The following FNBP1L variants were observed in gnomAD, a reference collection of about 807,000 sequenced individuals.
FNBP1L encodes the protein formin-binding protein 1-like.
Under a neutral mutation model 91.2 loss-of-function variants are expected in FNBP1L, and 36 were observed. The observed-to-expected ratio is 0.39, with a 90% CI of 0.30 to 0.52. The LOEUF (loss-of-function observed/expected upper bound fraction) is 0.52, where lower values mean the gene tolerates loss of function less well. Ranked by LOEUF, FNBP1L falls within the 20% of genes least tolerant of loss-of-function variation. The probability of loss-of-function intolerance (pLI) is 0.66; values close to 1 mark genes in which losing one functional copy is unlikely to be tolerated. For missense variants in FNBP1L, 571 were observed against 732.1 expected, an observed-to-expected ratio of 0.78 and a Z score of 2.54; for synonymous variants, 242 against 237.0, an observed-to-expected ratio of 1.02 and a Z score of -0.19.
intron 5 of FNBP1L, among the ~76,000 whole-genome samples, chr1:93,525,674 C>T (rs766404715): frequency 6.6e-6 from 1 of 151,820 alleles, no homozygotes; most frequent in Non-Finnish European, 1.5e-5. Context: ...AACAATTGAC[C>T]GTTGTTAAGC....
Position 93,524,151 on chromosome 1 carries a change from T to A in FNBP1L, c.343-110T>A, listed in dbSNP as rs1007050292. ...AATTAGTACCTTGAAAAAAATAAAG[T>A]GAAAAGCCTTTTGGGGACTTTAGAC... On this transcript the variant is annotated intron_variant, in intron 4 of 16. Coordinates refer to ENST00000271234, the MANE Select transcript of FNBP1L (RefSeq NM_001164473.3). 9.4e-5 allele frequency: 78 copies of A among 833,544 alleles called. 1 individual carries two copies. Among genetic ancestry groups the A allele is most frequent in the Middle Eastern group, 7.9e-4 (2 of 2,528 alleles). The allele number at this position is 833,544 out of a possible 1,614,324, so 51.6% of individuals were successfully genotyped here. A position where few individuals can be genotyped will look rare whatever the true frequency, so the allele number is the denominator to read the frequency against.
At position 93,553,446 on chromosome 1, in the gene FNBP1L, C is replaced by T. The variant is rs1331545684; in HGVS notation, c.*1030C>T. 1 of 152,642 alleles carries T rather than the reference C, an allele frequency of 6.6e-6. No homozygotes were observed. Among genetic ancestry groups the T allele is most frequent in the Non-Finnish European group, 1.5e-5 (1 of 68,048 alleles). 9.5% of individuals were successfully genotyped at this position (152,642 alleles called of 1,614,324 possible). On this transcript the variant is annotated 3_prime_UTR_variant, in exon 17 of 17. Transcript: ENST00000271234. ...CGGTAGGTGGCTATTAGAGCTCTAC[C>T]ATATACAGTGGTGCATCTTCAAATT...
At chr1:93,493,552 A>G (rs558076971) in intron 1 of FNBP1L, among the ~76,000 whole-genome samples, 2 of 152,186 alleles carry the variant, frequency 1.3e-5, no homozygotes, top group East Asian at 1.9e-4. Flanking sequence ...CCTGTCAACT[A>G]CCATTCTACT....
At chr1:93,514,322 C>T (rs1041151747) in intron 2 of FNBP1L, among the ~76,000 whole-genome samples, 5 of 151,650 alleles carry the variant, frequency 3.3e-5, no homozygotes, top group African/African-American at 4.8e-5. Context: ...GAATCAATAT[C>T]GTGAAAATGG....
intron 14 of FNBP1L, 95 bp from the exon 15 acceptor site, chr1:93,549,183 T>A: frequency 2.1e-6 from 2 of 933,456 alleles, no homozygotes; most frequent in South Asian, 3.5e-5. Flanking sequence ...TAATATTTAA[T>A]TTTTGGAATT....
At chr1:93,458,980 T>C (rs1668765860) in intron 1 of FNBP1L, among the ~76,000 whole-genome samples, 1 of 152,190 alleles carries the variant, frequency 6.6e-6, no homozygotes, top group Non-Finnish European at 1.5e-5. Flanking sequence ...AGTTTTACAG[T>C]ATATCCTCTG....
At chr1:93,548,882 C>A (rs1179169744) in intron 14 of FNBP1L, among the ~76,000 whole-genome samples, 2 of 152,134 alleles carry the variant, frequency 1.3e-5, no homozygotes, top group African/African-American at 4.8e-5. Flanking sequence ...AGAATAGAAA[C>A]AATCCACCTG....
chr1:93,538,227 C>T (rs1355757183), intron 10 of FNBP1L, among the ~76,000 whole-genome samples: 1 of 149,716 alleles, frequency 6.7e-6, no homozygotes, highest in African/African-American at 2.4e-5. Flanking sequence ...GAGCTATGAA[C>T]CCTGGAGAGA....
chr1:93,549,110 A>G (rs1267653726), intron 14 of FNBP1L, among the ~76,000 whole-genome samples, 168 bp from the exon 15 acceptor site: 1 of 152,132 alleles, frequency 6.6e-6, no homozygotes, highest in African/African-American at 2.4e-5. Flanking sequence ...AGCATTTTGT[A>G]TTAGAAGTAA....
At chr1:93,547,903 T>C (rs187256892) in intron 14 of FNBP1L, among the ~76,000 whole-genome samples, 6 of 152,328 alleles carry the variant, frequency 3.9e-5, no homozygotes, top group Admixed American at 3.9e-4. Flanking sequence ...TGATGTATTA[T>C]ATCTTTTTTT....
At chr1:93,474,318 A>G (rs915559141) in intron 1 of FNBP1L, among the ~76,000 whole-genome samples, 34 of 152,226 alleles carry the variant, frequency 2.2e-4, no homozygotes, top group Admixed American at 1.2e-3. Context: ...GAACCAAAGG[A>G]TAAGTTAGAG....
chr1:93,472,555 G>A (rs1457474760), intron 1 of FNBP1L, among the ~76,000 whole-genome samples: 2 of 151,860 alleles, frequency 1.3e-5, no homozygotes, highest in Middle Eastern at 6.3e-3. Flanking sequence ...GCTTATGCCT[G>A]TAATCCCAGA....
At chr1:93,479,088 T>C (rs1222139739) in intron 1 of FNBP1L, among the ~76,000 whole-genome samples, 1 of 152,186 alleles carries the variant, frequency 6.6e-6, no homozygotes, top group Non-Finnish European at 1.5e-5. Context: ...TGTCGGCCGG[T>C]CTGAGAAATA....
At chr1:93,464,426 G>A (rs1433832572) in intron 1 of FNBP1L, among the ~76,000 whole-genome samples, 1 of 152,052 alleles carries the variant, frequency 6.6e-6, no homozygotes, top group African/African-American at 2.4e-5. Context: ...TCTATCATAT[G>A]TCTCTGGAAT....
chr1:93,538,009 A>C (rs1671901808), intron 10 of FNBP1L, among the ~76,000 whole-genome samples: 1 of 152,130 alleles, frequency 6.6e-6, no homozygotes, highest in African/African-American at 2.4e-5. Flanking sequence ...AGACTACACT[A>C]AATATTATAT....
At chr1:93,459,449 A>G (rs1446907807) in intron 1 of FNBP1L, among the ~76,000 whole-genome samples, 2 of 152,200 alleles carry the variant, frequency 1.3e-5, no homozygotes, top group Non-Finnish European at 2.9e-5. Flanking sequence ...GAAGACATGT[A>G]ATTGGCCAAC....
chr1:93,531,154 C>T (rs942448586), intron 7 of FNBP1L, among the ~76,000 whole-genome samples: 11 of 152,130 alleles, frequency 7.2e-5, no homozygotes, highest in Admixed American at 6.5e-4. Flanking sequence ...TTTGACATGA[C>T]AAAGGAGAAT....
intron 1 of FNBP1L, among the ~76,000 whole-genome samples, chr1:93,456,602 CAA>C (rs60167572): frequency 5.6e-5 from 3 of 53,354 alleles, no homozygotes; most frequent in Non-Finnish European, 8.6e-5. Flanking sequence ...CCTTCTCTAC[CAA>C]AAAAAAAAAA....
chr1:93,478,453 G>A (rs1669574598), intron 1 of FNBP1L, among the ~76,000 whole-genome samples: 1 of 152,160 alleles, frequency 6.6e-6, no homozygotes, highest in African/African-American at 2.4e-5. Context: ...GAGCCTAAGT[G>A]GAATGATGAG....
Sources: gnomAD v4.1 joint callset for allele counts (sites outside exome capture counted in the v4.1 genomes callset) on GRCh38, gnomAD v4.1.1 for gene constraint, MANE v1.5 for transcripts, NCBI Gene and HGNC (gene_info 2026-07-23, HGNC 2026-07-21) for gene names.